The following CCDC144A variants were observed in gnomAD, a reference collection of about 807,000 sequenced individuals.
CCDC144A encodes coiled-coil domain containing 144A.
A neutral mutation model predicts 143.8 loss-of-function variants in CCDC144A; 41 were observed. The ratio of observed to expected loss-of-function variants is 0.29; its 90% CI spans 0.22 to 0.37. The LOEUF (loss-of-function observed/expected upper bound fraction) is 0.37, where lower values mean the gene tolerates loss of function less well. Among genes scored for constraint, CCDC144A ranks in the 10% least tolerant of loss-of-function variants. The probability of loss-of-function intolerance (pLI) is 1.00; values close to 1 mark genes in which losing one functional copy is unlikely to be tolerated. For missense variants in CCDC144A, 637 were observed against 1,488.8 expected, an observed-to-expected ratio of 0.43 and a Z score of 9.41; for synonymous variants, 242 against 517.9, an observed-to-expected ratio of 0.47 and a Z score of 7.23.
At position 16,746,361 on chromosome 17, in the gene CCDC144A, G is replaced by T. The variant is rs1340689172; in HGVS notation, c.3372+10718G>T. The stretch of plus-strand genomic sequence containing the variant: ...TCTAACTCTCTCCTCCGTTCTTCTC[G>T]CTTCTCTTCTCGAATTCTCTGCTTT... On this transcript the variant is annotated intron_variant, in intron 12 of 16. Transcript: ENST00000399273. The T allele has an allele frequency of 9.7e-6, 12 of 1,237,174 alleles. No homozygotes were observed. In the African/African-American group the frequency reaches 1.4e-4, roughly 15 times the overall value. The allele number at this position is 1,237,174 out of a possible 1,614,324, so 76.6% of individuals were successfully genotyped here. A position where few individuals can be genotyped will look rare whatever the true frequency, so the allele number is the denominator to read the frequency against.
At chr17:16,696,356 G>T (rs1431232532) in intron 2 of CCDC144A, among the ~76,000 whole-genome samples, 1 of 131,136 alleles carries the variant, frequency 7.6e-6, no homozygotes, top group Admixed American at 7.6e-5. Flanking sequence ...CTCGGGCCGG[G>T]CATGGTGGCT....
At chr17:16,668,802 T>C in the CCDC144A span, among the ~76,000 whole-genome samples, 2 of 152,228 alleles carry the variant, frequency 1.3e-5, no homozygotes, top group African/African-American at 4.8e-5. Flanking sequence ...GGGAAGTCTA[T>C]GACCAAGACA....
chr17:16,775,618 G>A lies in CCDC144A; in HGVS notation c.*1985G>A, dbSNP rs1181568993. ...CTGGATATTAGACCTTTGTCAGATG[G>A]ATAGAGTGCAAAAATTTTCTCCCAT... On this transcript the variant is annotated 3_prime_UTR_variant, in exon 17 of 17. Coordinates refer to ENST00000399273, the MANE Select transcript of CCDC144A (RefSeq NM_001382000.1). 6.6e-6 allele frequency: 1 copy of A among 152,144 alleles called. No individual in the cohort carries two copies. Among genetic ancestry groups the A allele is most frequent in the Non-Finnish European group, 1.5e-5 (1 of 68,040 alleles). 9.4% of individuals were successfully genotyped at this position (152,144 alleles called of 1,614,324 possible).
intron 2 of CCDC144A, among the ~76,000 whole-genome samples, chr17:16,695,968 T>C (rs1195000918): frequency 6.6e-6 from 1 of 152,062 alleles, no homozygotes; most frequent in African/African-American, 2.4e-5. Context: ...GTGCAAAACA[T>C]ATGAGATGTG....
chr17:16,775,573 G>A lies in CCDC144A; in HGVS notation c.*1940G>A, dbSNP rs1597602554. 1 of 152,160 alleles carries A rather than the reference G, an allele frequency of 6.6e-6. No individual in the cohort carries two copies. Among genetic ancestry groups the A allele is most frequent in the East Asian group, 1.9e-4 (1 of 5,168 alleles). 9.4% of individuals were successfully genotyped at this position (152,160 alleles called of 1,614,324 possible). On this transcript the variant is annotated 3_prime_UTR_variant, in exon 17 of 17. Transcript: ENST00000399273. Reference sequence around the variant, plus strand: ...TTGAGTTTTTTTTTCTTGTAAATTTGTTTAAGTTCCTTGTAGATGCTGGAT... The same window carrying A: ...TTGAGTTTTTTTTTCTTGTAAATTTATTTAAGTTCCTTGTAGATGCTGGAT...
chr17:16,746,296 T>G (rs1914511852), intron 12 of CCDC144A: 2 of 1,155,682 alleles, frequency 1.7e-6, no homozygotes, highest in Non-Finnish European at 2.4e-6. Context: ...TGCATCTTTC[T>G]TCTTTTCTTC....
intron 12 of CCDC144A, among the ~76,000 whole-genome samples, chr17:16,754,481 T>A (rs937686648): frequency 2.0e-5 from 3 of 152,286 alleles, no homozygotes; most frequent in African/African-American, 7.2e-5. Context: ...GAAGATATTT[T>A]AAATTTTTTT....
intron 3 of CCDC144A, 192 bp downstream of exon 3, chr17:16,705,591 G>A (rs946532247): frequency 1.7e-6 from 1 of 581,688 alleles, no homozygotes; most frequent in Non-Finnish European, 3.1e-6. Flanking sequence ...AGATAACAGA[G>A]AATTAGGGGA....
At chr17:16,737,717 G>T (rs1346493308) in intron 12 of CCDC144A, 1 of 910,076 alleles carries the variant, frequency 1.1e-6, no homozygotes, top group Non-Finnish European at 1.5e-6. Context: ...ATCTATAGGT[G>T]GTGAAATAAT....
At chr17:16,752,869 C>T in intron 12 of CCDC144A, among the ~76,000 whole-genome samples, 1 of 72,684 alleles carries the variant, frequency 1.4e-5, no homozygotes, top group South Asian at 5.9e-4. Context: ...TCATGTTTTG[C>T]TGCAGCCGTA....
intron 6 of CCDC144A, among the ~76,000 whole-genome samples, chr17:16,713,447 CAA>C (rs1355281013): frequency 6.6e-6 from 1 of 152,160 alleles, no homozygotes; most frequent in East Asian, 1.9e-4. Flanking sequence ...ATTTGATTTA[CAA>C]AATAAGATTA....
Position 16,776,019 on chromosome 17 carries a change from G to A in CCDC144A, c.*2386G>A, listed in dbSNP as rs1188510939. 6.6e-6 allele frequency: 1 copy of A among 152,152 alleles called. No individual in the cohort carries two copies. The highest frequency in any genetic ancestry group is 1.5e-5 in the Non-Finnish European group (1 of 68,050). The allele number at this position is 152,152 out of a possible 1,614,324, so 9.4% of individuals were successfully genotyped here. On this transcript the variant is annotated 3_prime_UTR_variant, in exon 17 of 17. Coordinates refer to ENST00000399273, the MANE Select transcript of CCDC144A (RefSeq NM_001382000.1). Reference sequence around the variant, plus strand: ...TGTCAAAGATCACATGGTTGTAGGTGTGTGGTCTTATTTCTGGGTTCTCTA... The same window carrying A: ...TGTCAAAGATCACATGGTTGTAGGTATGTGGTCTTATTTCTGGGTTCTCTA...
chr17:16,716,667 A>G (rs1912771584), intron 6 of CCDC144A, among the ~76,000 whole-genome samples: 1 of 152,156 alleles, frequency 6.6e-6, no homozygotes, highest in Admixed American at 6.5e-5. Flanking sequence ...GATTTCTTTC[A>G]TGTAATATGT....
At chr17:16,667,555 T>TG in the CCDC144A span, among the ~76,000 whole-genome samples, 897 of 152,116 alleles carry the variant, frequency 5.9e-3, 10 homozygotes, top group Non-Finnish European at 7.4e-3. Context: ...CGTGGCAGAA[T>TG]CCCGGGGCTG....
chr17:16,711,949 G>A lies in CCDC144A; in HGVS notation c.1715+134G>A, dbSNP rs1323930825. ...AGTTCAAGACCAGCCTGACCAACATGGATAAACCCCATCTCTACTAAAAAT... is the reference window on the plus strand; with the variant it reads ...AGTTCAAGACCAGCCTGACCAACATAGATAAACCCCATCTCTACTAAAAAT... On this transcript the variant is annotated intron_variant, in intron 6 of 16. Transcript: ENST00000399273. 4 of 950,794 alleles carry A rather than the reference G, an allele frequency of 4.2e-6. No homozygotes were observed. In the Admixed American group the frequency reaches 7.4e-5, roughly 17 times the overall value. The allele number at this position is 950,794 out of a possible 1,614,324, so 58.9% of individuals were successfully genotyped here.
the CCDC144A span, chr17:16,683,476 C>A: frequency 7.2e-7 from 1 of 1,394,378 alleles, no homozygotes; most frequent in Non-Finnish European, 1.0e-6. Context: ...GTCGCCTTGG[C>A]CGCCTTGCCC....
the CCDC144A span, among the ~76,000 whole-genome samples, chr17:16,680,551 A>AAGAAAGAGAGAGAGAGAAAGAAAGAG: frequency 1.3e-5 from 2 of 150,932 alleles, no homozygotes; most frequent in African/African-American, 4.9e-5. Flanking sequence ...TGAAGAAAGA[A>AAGAAAGAGAGAGAGAGAAAGAAAGAG]AGAAAGAGAG....
At chr17:16,682,883 G>GTTTTTTTTTTTTTT in the CCDC144A span, among the ~76,000 whole-genome samples, 22 of 46,456 alleles carry the variant, frequency 4.7e-4, 7 homozygotes, top group Admixed American at 9.3e-4. Flanking sequence ...TGGATTCTCT[G>GTTTTTTTTTTTTTT]TTTTTTTTTT....
chr17:16,768,383 AG>A (rs1159649659), intron 15 of CCDC144A, among the ~76,000 whole-genome samples: 1 of 152,196 alleles, frequency 6.6e-6, no homozygotes, highest in Non-Finnish European at 1.5e-5. Flanking sequence ...GGCCTAGGCA[AG>A]ATTCTTGGTG....
Sources: allele counts gnomAD v4.1 joint callset (sites outside exome capture counted in the v4.1 genomes callset), GRCh38; gene constraint gnomAD v4.1.1; transcripts MANE v1.5; gene names NCBI Gene and HGNC (gene_info 2026-07-23, HGNC 2026-07-21).